The following GABRA2 variants were observed in gnomAD, a reference collection of about 807,000 sequenced individuals.
The protein encoded by GABRA2 is gamma-aminobutyric acid type A receptor subunit alpha2, also known as gamma-aminobutyric acid receptor subunit alpha-2.
In GABRA2, 16 loss-of-function variants were observed where a neutral mutation model predicts 48.7. That is an observed-to-expected ratio of 0.33 (90% CI 0.22 to 0.50). GABRA2 has a LOEUF of 0.50. Ranked by LOEUF, GABRA2 falls within the 20% of genes least tolerant of loss-of-function variation. GABRA2 has a pLI of 0.98. For missense variants in GABRA2, 275 were observed against 535.6 expected (o/e 0.51, Z 4.80); for synonymous variants, 185 against 184.5 (o/e 1.00, Z -0.02).
chr4:46,387,364 C>T (rs1717610123), intron 2 of GABRA2, among the ~76,000 whole-genome samples: 1 of 152,144 alleles, frequency 6.6e-6, no homozygotes, highest in Admixed American at 6.5e-5. Context: ...TGTCCATTTG[C>T]ATTTAAATGA....
At chr4:46,381,368 A>C (rs1202140011) in intron 3 of GABRA2, among the ~76,000 whole-genome samples, 1 of 152,196 alleles carries the variant, frequency 6.6e-6, no homozygotes, top group African/African-American at 2.4e-5. Context: ...CAAAGAGAAG[A>C]CTTGATACAG....
At chr4:46,327,377 C>A (rs1042224124) in intron 4 of GABRA2, among the ~76,000 whole-genome samples, 3 of 151,872 alleles carry the variant, frequency 2.0e-5, no homozygotes, top group Admixed American at 6.6e-5. Flanking sequence ...ATTATAAATT[C>A]TAGGAGGGTG....
intron 3 of GABRA2, among the ~76,000 whole-genome samples, chr4:46,338,962 C>T (rs761664542): frequency 2.6e-5 from 4 of 151,868 alleles, no homozygotes; most frequent in Non-Finnish European, 4.4e-5. Flanking sequence ...TTCTTTTCAC[C>T]ATCTCTAAGG....
chr4:46,277,572 C>A (rs1234296012), intron 8 of GABRA2, among the ~76,000 whole-genome samples: 7 of 152,192 alleles, frequency 4.6e-5, no homozygotes, highest in African/African-American at 1.7e-4. Flanking sequence ...GCTGCCTCAA[C>A]TCTTTAGCTT....
rs1342412810 is a variant in GABRA2, at chr4:46,327,788, G to C, written c.255+4827C>G. Among the ~76,000 whole-genome samples the C allele has an allele frequency of 2.0e-5, 3 of 151,892 alleles. No individual in the cohort carries two copies. In the East Asian group the frequency reaches 5.8e-4, roughly 29 times the overall value. On this transcript the variant is annotated intron_variant, in intron 4 of 9. Coordinates refer to ENST00000381620, the MANE Select transcript of GABRA2 (RefSeq NM_000807.4). ...AAATCAACATAATCAAGAAACCAAG[G>C]TCATACTTACCAGACTGCCTGCTTC... is the stretch of plus-strand genomic sequence containing the variant.
chr4:46,312,755 G>A, intron 4 of GABRA2, 39 bp from the exon 5 acceptor site: 2 of 1,042,442 alleles, frequency 1.9e-6, no homozygotes, highest in South Asian at 1.5e-5. Flanking sequence ...AATAGTAAAT[G>A]TTGTAGACAC....
intron 4 of GABRA2, among the ~76,000 whole-genome samples, chr4:46,324,484 A>G (rs1302319514): frequency 6.6e-6 from 1 of 151,974 alleles, no homozygotes; most frequent in African/African-American, 2.4e-5. Flanking sequence ...GAAACCTAGG[A>G]AAAAAACATG....
chr4:46,340,869 G>C (rs1733095944), intron 3 of GABRA2, among the ~76,000 whole-genome samples: 1 of 151,798 alleles, frequency 6.6e-6, no homozygotes, highest in African/African-American at 2.4e-5. Context: ...TTATGCAAAT[G>C]TTGGTATGCT....
Position 46,247,112 on chromosome 4 carries a change from A to C in GABRA2, c.*3196T>G, listed in dbSNP as rs1713848113. On this transcript the variant is annotated 3_prime_UTR_variant, in exon 10 of 10. Coordinates refer to ENST00000381620, the MANE Select transcript of GABRA2 (RefSeq NM_000807.4). ...AAATTTAGAAACATGGCTCAAGGGG[A>C]TCACTTATCCAAACCTGAGATAAAT... 1.3e-5 allele frequency among the ~76,000 whole-genome samples: 2 copies of C among 151,320 alleles called. No individual in the cohort carries two copies. Among genetic ancestry groups the C allele is most frequent in the African/African-American group, 4.8e-5 (2 of 41,358 alleles).
chr4:46,301,607 G>A (rs1188812026), intron 8 of GABRA2, among the ~76,000 whole-genome samples: 3 of 152,144 alleles, frequency 2.0e-5, no homozygotes, highest in African/African-American at 7.2e-5. Flanking sequence ...TAGGATTCTT[G>A]CCCCATCTCA....
intron 3 of GABRA2, among the ~76,000 whole-genome samples, chr4:46,349,408 A>G (rs1200260830): frequency 1.3e-5 from 2 of 152,024 alleles, no homozygotes; most frequent in Non-Finnish European, 2.9e-5. Flanking sequence ...TGAAATTTAT[A>G]CTTATGGATA....
At chr4:46,363,820 T>A (rs1386391706) in intron 3 of GABRA2, 1 of 152,192 alleles carries the variant, frequency 6.6e-6, no homozygotes, top group Non-Finnish European at 1.5e-5. Flanking sequence ...TTTTGGAATG[T>A]GTAGTTTTAT....
At chr4:46,258,454 G>A (rs185068037) in intron 9 of GABRA2, among the ~76,000 whole-genome samples, 234 of 151,926 alleles carry the variant, frequency 1.5e-3, no homozygotes, top group African/African-American at 5.3e-3. Flanking sequence ...CAAATGGGGG[G>A]ACAGTATGCT....
intron 3 of GABRA2, among the ~76,000 whole-genome samples, chr4:46,361,840 G>C (rs1713245498): frequency 6.6e-6 from 1 of 152,336 alleles, no homozygotes; most frequent in South Asian, 2.1e-4. Flanking sequence ...TAGAGTCAAA[G>C]GAGATCATTT....
At chr4:46,330,143 A>T (rs1362278723) in intron 4 of GABRA2, among the ~76,000 whole-genome samples, 1 of 152,104 alleles carries the variant, frequency 6.6e-6, no homozygotes, top group Non-Finnish European at 1.5e-5. Context: ...ATTCCACTCA[A>T]TGCAACCTAT....
At chr4:46,342,131 G>A (rs966955310) in intron 3 of GABRA2, among the ~76,000 whole-genome samples, 1 of 152,046 alleles carries the variant, frequency 6.6e-6, no homozygotes, top group African/African-American at 2.4e-5. Flanking sequence ...TGTGCATGGA[G>A]AATGCAGAAA....
intron 3 of GABRA2, among the ~76,000 whole-genome samples, chr4:46,377,837 T>C (rs1176626374): frequency 1.0e-4 from 11 of 110,338 alleles, no homozygotes; most frequent in South Asian, 3.3e-4. Flanking sequence ...CCCGGCCAGC[T>C]GCCCCGTCCG....
At chr4:46,275,871 A>C (rs1028815245) in intron 8 of GABRA2, among the ~76,000 whole-genome samples, 3 of 152,162 alleles carry the variant, frequency 2.0e-5, no homozygotes, top group Admixed American at 6.6e-5. Context: ...TGAAATACAA[A>C]AACCTATTTG....
At chr4:46,377,178 G>A (rs532579574) in intron 3 of GABRA2, among the ~76,000 whole-genome samples, 155 of 151,832 alleles carry the variant, frequency 1.0e-3, no homozygotes, top group African/African-American at 3.6e-3. Context: ...AGTGAGGAGC[G>A]TCTCTGCCCG....
Sources: gnomAD v4.1 joint callset for allele counts (sites outside exome capture counted in the v4.1 genomes callset) on GRCh38, gnomAD v4.1.1 for gene constraint, MANE v1.5 for transcripts, NCBI Gene and HGNC (gene_info 2026-07-23, HGNC 2026-07-21) for gene names.